The following ARID1B variants were observed in gnomAD, a reference collection of about 807,000 sequenced individuals.
The protein encoded by ARID1B is AT-rich interaction domain 1B, also known as AT-rich interactive domain-containing protein 1B.
In ARID1B, 30 loss-of-function variants were observed where a neutral mutation model predicts 212.3. The ratio of observed to expected loss-of-function variants is 0.14; its 90% confidence interval spans 0.11 to 0.19. The LOEUF (loss-of-function observed/expected upper bound fraction) is 0.19, where lower values mean the gene tolerates loss of function less well. Among genes scored for constraint, ARID1B ranks in the 10% least tolerant of loss-of-function variants. The pLI, the probability that ARID1B is intolerant of heterozygous loss-of-function variation, is 1.00. For missense variants in ARID1B, 2,891 were observed against 3,204.0 expected, an observed-to-expected ratio of 0.90 and a Z score of 2.36; for synonymous variants, 1,402 against 1,301.7, an observed-to-expected ratio of 1.08 and a Z score of -1.66.
At chr6:156,881,019 T>C (rs1313584696) in intron 2 of ARID1B, among the ~76,000 whole-genome samples, 1 of 152,124 alleles carries the variant, frequency 6.6e-6, no homozygotes, top group Non-Finnish European at 1.5e-5. Flanking sequence ...CTTGTTAGCT[T>C]GATAGTAGAG....
rs573804414 is a variant in ARID1B at position 156,829,439 on chromosome 6, G to A, written c.1986+18G>A. 6.9e-6 allele frequency: 11 copies of A among 1,603,374 alleles called. No homozygotes were observed. The highest frequency in any genetic ancestry group is 3.4e-5 in the Admixed American group (2 of 58,456). On this transcript the variant is annotated intron_variant, in intron 2 of 19. Coordinates refer to ENST00000636930, the MANE Select transcript of ARID1B (RefSeq NM_001374828.1). ...AGCAGCAGGTTTGTGCTGGTCCCCC[G>A]ACCCGCTGCTTTTTTGTAATAGTTT...
Position 157,209,617 on chromosome 6 carries a change from A to G in ARID1B, c.*1726A>G, listed in dbSNP as rs1310559809. The G allele has an allele frequency of 1.3e-5, 3 of 233,100 alleles. No homozygotes were observed. The highest frequency in any genetic ancestry group is 6.0e-5 in the East Asian group (1 of 16,568). 14.4% of individuals were successfully genotyped at this position (233,100 alleles called of 1,614,324 possible). A position where few individuals can be genotyped will look rare whatever the true frequency, so the allele number is the denominator to read the frequency against. ...TTACTAACTCCATCTTAGTTTAATC[A>G]AAGTTCAATCTATTCCTTGTTTCTT... On this transcript the variant is annotated 3_prime_UTR_variant, in exon 20 of 20. Transcript: ENST00000636930.
chr6:157,080,716 A>C (rs2128453292), intron 4 of ARID1B, among the ~76,000 whole-genome samples: 1 of 152,330 alleles, frequency 6.6e-6, no homozygotes, highest in Non-Finnish European at 1.5e-5. Flanking sequence ...AAGCACAGTG[A>C]AATCTCTTGT....
chr6:157,073,723 A>G (rs1324779973), intron 4 of ARID1B, among the ~76,000 whole-genome samples: 1 of 152,170 alleles, frequency 6.6e-6, no homozygotes, highest in Non-Finnish European at 1.5e-5. Flanking sequence ...TTGCACCAGG[A>G]CCTGAGTTTA....
Position 156,913,562 on chromosome 6 carries a change from T to C in ARID1B, c.2136+12037T>C, listed in dbSNP as rs150649044. On this transcript the variant is annotated intron_variant, in intron 3 of 19. Transcript: ENST00000636930. ...ATATTATTAACTACAGTCACCATGT[T>C]GTACAACAGATCTCTTGAACTTATT... Among the ~76,000 whole-genome samples the C allele has an allele frequency of 3.0e-4, 45 of 152,282 alleles. No homozygotes were observed. In the East Asian group the frequency reaches 4.6e-3, roughly 16 times the overall value.
intron 4 of ARID1B, among the ~76,000 whole-genome samples, chr6:157,067,281 G>GCTC (rs1583246889): frequency 6.6e-6 from 1 of 152,332 alleles, no homozygotes; most frequent in East Asian, 1.9e-4. Context: ...CAAAGCCCAT[G>GCTC]CTCCTAACCA....
chr6:156,969,355 G>A (rs1776761691), intron 4 of ARID1B, among the ~76,000 whole-genome samples: 1 of 152,160 alleles, frequency 6.6e-6, no homozygotes, highest in Non-Finnish European at 1.5e-5. Context: ...CCCAGGATCG[G>A]TGGTGGTGGT....
At chr6:157,093,832 C>T (rs985787564) in intron 5 of ARID1B, among the ~76,000 whole-genome samples, 1 of 152,200 alleles carries the variant, frequency 6.6e-6, no homozygotes, top group African/African-American at 2.4e-5. Context: ...CTAATTGTTC[C>T]GTTTCCTTCC....
intron 3 of ARID1B, among the ~76,000 whole-genome samples, chr6:156,932,372 C>G (rs1197410541): frequency 6.7e-6 from 1 of 149,778 alleles, no homozygotes; most frequent in Non-Finnish European, 1.5e-5. Context: ...AACCTCATTT[C>G]CATTGCCTGG....
intron 1 of ARID1B, among the ~76,000 whole-genome samples, chr6:156,809,203 A>G (rs1330877297): frequency 6.6e-6 from 1 of 152,158 alleles, no homozygotes; most frequent in East Asian, 1.9e-4. Context: ...GTGTCTTACC[A>G]TGACTGACCT....
intron 2 of ARID1B, among the ~76,000 whole-genome samples, chr6:156,877,349 C>T (rs1241204320): frequency 2.0e-5 from 3 of 152,140 alleles, no homozygotes; most frequent in Non-Finnish European, 2.9e-5. Flanking sequence ...GAGATGCTTG[C>T]AGTTCGAGAT....
intron 1 of ARID1B, among the ~76,000 whole-genome samples, chr6:156,800,194 C>A (rs1021590139): frequency 1.3e-5 from 2 of 152,186 alleles, no homozygotes; most frequent in African/African-American, 4.8e-5. Flanking sequence ...GTCTGAAGAA[C>A]CTTTTTCCAA....
chr6:156,982,192 C>T (rs1282646429), intron 4 of ARID1B, among the ~76,000 whole-genome samples: 5 of 152,032 alleles, frequency 3.3e-5, no homozygotes, highest in Non-Finnish European at 5.9e-5. Context: ...TTACTATATA[C>T]CCTCATATTT....
At chr6:156,902,735 C>CAAAAAAAAAAAAAAAA (rs869259426) in intron 3 of ARID1B, among the ~76,000 whole-genome samples, 1 of 61,676 alleles carries the variant, frequency 1.6e-5, no homozygotes, top group African/African-American at 5.2e-5. Flanking sequence ...GACTCTGTCT[C>CAAAAAAAAAAAAAAAA]AAAAAAAAAA....
chr6:157,022,159 G>C (rs1780347888), intron 4 of ARID1B: 1 of 148,134 alleles, frequency 6.8e-6, no homozygotes, highest in Non-Finnish European at 1.5e-5. Flanking sequence ...CGGGGCCGCG[G>C]AAGGGGGCGA....
chr6:156,876,580 C>CT (rs1341520232), intron 2 of ARID1B, among the ~76,000 whole-genome samples: 3 of 152,222 alleles, frequency 2.0e-5, no homozygotes, highest in Admixed American at 1.3e-4. Context: ...TGCTCAATCT[C>CT]TTAAGTTGCC....
chr6:156,844,929 T>C (rs1349840243), intron 2 of ARID1B, among the ~76,000 whole-genome samples: 1 of 152,220 alleles, frequency 6.6e-6, no homozygotes, highest in East Asian at 1.9e-4. Context: ...CAAGCTCTGA[T>C]AGAACGGTGC....
rs774366843 is a variant in ARID1B at position 156,951,255 on chromosome 6, A to G, written c.2247+15679A>G. On this transcript the variant is annotated intron_variant, in intron 4 of 19. Transcript: ENST00000636930. The stretch of plus-strand genomic sequence containing the variant: ...TGACTTACAGTAAAACGTTTGTATA[A>G]ACAAAGACTGCTCCAAGCGGATTAC... Among the ~76,000 whole-genome samples, 43 of 152,348 alleles carry G rather than the reference A, an allele frequency of 2.8e-4. 1 individual carries two copies. The Middle Eastern group carries it at 0.031, about 109-fold the overall frequency.
At chr6:157,030,834 C>G (rs1780974870) in intron 4 of ARID1B, among the ~76,000 whole-genome samples, 1 of 152,048 alleles carries the variant, frequency 6.6e-6, no homozygotes, top group Admixed American at 6.5e-5. Context: ...TTATTGGGTC[C>G]CTGTATAGAG....
Sources: allele counts gnomAD v4.1 joint callset (sites outside exome capture counted in the v4.1 genomes callset), GRCh38; gene constraint gnomAD v4.1.1; transcripts MANE v1.5; gene names NCBI Gene and HGNC (gene_info 2026-07-23, HGNC 2026-07-21).